Variants in AQP8 observed in about 807,000 individuals in gnomAD.
AQP8 encodes aquaporin 8.
A neutral mutation model predicts 26.1 loss-of-function variants in AQP8; 14 were observed. The ratio of observed to expected loss-of-function variants is 0.54; its 90% confidence interval spans 0.35 to 0.84. The LOEUF (loss-of-function observed/expected upper bound fraction) is 0.84. Among genes scored for constraint, AQP8 ranks in the 40% least tolerant of loss-of-function variants. AQP8 has a pLI of 0.01. For synonymous variants in AQP8, 131 were observed against 150.7 expected (o/e 0.87, Z 0.96); for missense variants, 301 against 340.5 (o/e 0.88, Z 0.91).
Position 25,217,191 on chromosome 16 carries a change from AC to A in AQP8, c.13-6del, listed in dbSNP as rs1567342448. On this transcript the variant is annotated splice_region_variant and splice_polypyrimidine_tract_variant and intron_variant, in intron 1 of 5. Coordinates refer to ENST00000219660, the MANE Select transcript of AQP8 (RefSeq NM_001169.3). ...CCGTGTCCTCTGTCCCTTTTTCCCT[AC>A]GGCAGATAGCCATGTGTGAGCCTGA... 1 of 1,613,750 alleles carries A rather than the reference AC, an allele frequency of 6.2e-7. No individual in the cohort carries two copies. The highest frequency in any genetic ancestry group is 1.7e-5 in the Admixed American group (1 of 59,972).
At chr16:25,217,583 GT>G (rs1200806640) in intron 2 of AQP8, 138 bp downstream of exon 2, 46 of 1,238,778 alleles carry the variant, frequency 3.7e-5, no homozygotes, top group Non-Finnish European at 1.2e-5. Flanking sequence ...GGGGTTGGGA[GT>G]CAGACTGGGG....
rs1336767042 is a variant in AQP8 at position 25,228,600 on chromosome 16, G to A, written c.*108G>A. On this transcript the variant is annotated 3_prime_UTR_variant, in exon 6 of 6. Transcript: ENST00000219660. ...CCTGCCAGGGCAGAGGCCCAGAGGA[G>A]CGACCCCCTGCTTCCACTGCTTGGG... 1 of 1,187,010 alleles carries A rather than the reference G, an allele frequency of 8.4e-7. No homozygotes were observed. The highest frequency in any genetic ancestry group is 2.4e-5 in the East Asian group (1 of 41,912). 73.5% of individuals were successfully genotyped at this position (1,187,010 alleles called of 1,614,324 possible). A position where few individuals can be genotyped will look rare whatever the true frequency, so the allele number is the denominator to read the frequency against.
intron 2 of AQP8, among the ~76,000 whole-genome samples, chr16:25,220,284 G>A (rs1386054542): frequency 1.3e-5 from 2 of 152,194 alleles, no homozygotes; most frequent in Non-Finnish European, 2.9e-5. Context: ...TGGTTCTCAA[G>A]TGACATGGGG....
rs368475132 is a variant in AQP8 at position 25,224,535 on chromosome 16, G to A, written c.561G>A (p.Pro187=). Residue 187 remains proline (P), a synonymous_variant, in exon 4 of 6, where the codon CCG becomes CCA. Coordinates refer to ENST00000219660, the MANE Select transcript of AQP8 (RefSeq NM_001169.3). ...AGAAGACAAAGGGCCCTCTGGCCCCGTTCTCCATCGGCTTTGCCGTCACCG... is the reference window on the plus strand; with the variant it reads ...AGAAGACAAAGGGCCCTCTGGCCCCATTCTCCATCGGCTTTGCCGTCACCG... The part of the protein sequence containing the change: ...INEKTKGPLA[P]FSIGFAVTVD... 5.5e-5 allele frequency: 89 copies of A among 1,613,400 alleles called. No individual in the cohort carries two copies. The highest frequency in any genetic ancestry group is 6.8e-5 in the Non-Finnish European group (80 of 1,179,980).
At chr16:25,220,312 C>T (rs1962544521) in intron 2 of AQP8, among the ~76,000 whole-genome samples, 1 of 152,148 alleles carries the variant, frequency 6.6e-6, no homozygotes, top group South Asian at 2.1e-4. Context: ...GGGTCCCTTT[C>T]TCTCTCATTG....
At chr16:25,225,705 G>A (rs1320677742) in intron 4 of AQP8, among the ~76,000 whole-genome samples, 2 of 152,176 alleles carry the variant, frequency 1.3e-5, no homozygotes, top group Admixed American at 6.6e-5. Context: ...ACCGCGCCCC[G>A]CCTACTTACA....
chr16:25,228,330 A>T, intron 5 of AQP8, 114 bp from the exon 6 acceptor site: 1 of 900,354 alleles, frequency 1.1e-6, no homozygotes, highest in South Asian at 1.4e-5. Flanking sequence ...CTGGCTATTA[A>T]GGCTGGGGAG....
In AQP8 at chr16:25,224,376, G is replaced by A. The variant is rs757141777; in HGVS notation, c.402G>A (p.Glu134=). 1.5e-5 allele frequency: 25 copies of A among 1,613,452 alleles called. 1 individual carries two copies. The South Asian group carries it at 2.4e-4, about 16-fold the overall frequency. ...GAALAKAVSP[E]ERFWNASGAA... is the part of the protein sequence containing the mutation. ...TCTCTGTGCAGGCGGTGAGTCCTGA[G>A]GAGAGGTTCTGGAATGCATCTGGGG... The change falls in exon 4 of 6, where the codon GAG becomes GAA. Residue 134 remains glutamate (E), a synonymous_variant. Transcript: ENST00000219660.
chr16:25,225,244 A>C (rs1339086528), intron 4 of AQP8, among the ~76,000 whole-genome samples: 2 of 152,188 alleles, frequency 1.3e-5, no homozygotes, highest in East Asian at 3.9e-4. Flanking sequence ...TTGGCCTCTC[A>C]AAAGTACTGG....
Position 25,228,735 on chromosome 16 carries a change from A to G in AQP8, c.*243A>G. On this transcript the variant is annotated 3_prime_UTR_variant, in exon 6 of 6. Coordinates refer to ENST00000219660, the MANE Select transcript of AQP8 (RefSeq NM_001169.3). Reference sequence around the variant, plus strand: ...AACACGCTGCCCGCACTGCCCAGAGAGCAGTGCAAACACCACAACACGAGC... The same window carrying G: ...AACACGCTGCCCGCACTGCCCAGAGGGCAGTGCAAACACCACAACACGAGC... The G allele has an allele frequency of 4.1e-6, 2 of 491,206 alleles. No individual in the cohort carries two copies. Among genetic ancestry groups the G allele is most frequent in the Non-Finnish European group, 7.4e-6 (2 of 270,802 alleles). The allele number at this position is 491,206 out of a possible 1,614,324, so 30.4% of individuals were successfully genotyped here.
chr16:25,221,846 C>T (rs1046485618), intron 3 of AQP8, among the ~76,000 whole-genome samples: 136 of 152,188 alleles, frequency 8.9e-4, no homozygotes, highest in African/African-American at 3.2e-3. Flanking sequence ...TGGCTCACTG[C>T]AACCTCTGCC....
At chr16:25,219,477 T>C (rs1404353972) in intron 2 of AQP8, among the ~76,000 whole-genome samples, 1 of 151,322 alleles carries the variant, frequency 6.6e-6, no homozygotes, top group Admixed American at 6.6e-5. Context: ...GAGTGAACAA[T>C]GAATGAATGA....
chr16:25,217,442 T>C lies in AQP8; in HGVS notation c.257T>C (p.Ile86Thr). ...CTCGTGATTGCCACGCTGGGGAATA[T>C]CAGGTGAGACCAGCTCTGAGGATTC... ...LGLVIATLGN[I>T]SGGHFNPAVS... The change falls in exon 2 of 6, where the codon ATC becomes ACC. Residue 86 changes from isoleucine (I) to threonine (T), a missense_variant. Ile to Thr is a moderately conservative substitution (Grantham distance 89, BLOSUM62 -1). Transcript: ENST00000219660. The C allele has an allele frequency of 6.2e-7, 1 of 1,613,896 alleles. No individual in the cohort carries two copies. The highest frequency in any genetic ancestry group is 8.5e-7 in the Non-Finnish European group (1 of 1,179,948).
chr16:25,227,393 C>T (rs534901889), intron 5 of AQP8, among the ~76,000 whole-genome samples, 191 bp downstream of exon 5: 1 of 152,278 alleles, frequency 6.6e-6, no homozygotes, highest in South Asian at 2.1e-4. Flanking sequence ...TTCAAAATAG[C>T]TTATGTCATA....
Position 25,224,525 on chromosome 16 carries a change from C to T in AQP8, c.551C>T (p.Pro184Leu), listed in dbSNP as rs1962606414. ...MGAINEKTKG[P>L]LAPFSIGFAV... Reference sequence around the variant, plus strand: ...GCCATCAATGAGAAGACAAAGGGCCCTCTGGCCCCGTTCTCCATCGGCTTT... The same window carrying T: ...GCCATCAATGAGAAGACAAAGGGCCTTCTGGCCCCGTTCTCCATCGGCTTT... Residue 184 changes from proline (P) to leucine (L), a missense_variant, in exon 4 of 6, where the codon CCT becomes CTT. By Grantham distance (98) the Pro-to-Leu change is moderately conservative. Coordinates refer to ENST00000219660, the MANE Select transcript of AQP8 (RefSeq NM_001169.3). 1.9e-6 allele frequency: 3 copies of T among 1,613,724 alleles called. No individual in the cohort carries two copies. Among genetic ancestry groups the T allele is most frequent in the Non-Finnish European group, 2.5e-6 (3 of 1,180,002 alleles).
chr16:25,226,106 T>C (rs753548779), intron 4 of AQP8, among the ~76,000 whole-genome samples: 86 of 152,342 alleles, frequency 5.6e-4, no homozygotes, highest in Admixed American at 1.9e-3. Context: ...GTGAACCTAG[T>C]AGGTGTATAT....
intron 4 of AQP8, among the ~76,000 whole-genome samples, chr16:25,225,143 T>C (rs1182067061): frequency 2.0e-5 from 3 of 152,158 alleles, no homozygotes; most frequent in Non-Finnish European, 4.4e-5. Flanking sequence ...AGAGGCTGAG[T>C]GAACCCTTTT....
At chr16:25,220,125 T>C (rs917325023) in intron 2 of AQP8, among the ~76,000 whole-genome samples, 1 of 151,220 alleles carries the variant, frequency 6.6e-6, no homozygotes, top group Non-Finnish European at 1.5e-5. Context: ...GCCAGACAAG[T>C]TGGGGTAGCT....
At position 25,227,067 on chromosome 16, in the gene AQP8, G is replaced by A. The variant is rs987394930; in HGVS notation, c.603-1G>A. On this transcript the variant is annotated splice_acceptor_variant, in intron 4 of 5. Transcript: ENST00000219660. LOFTEE classifies it high-confidence loss of function. ...TGACCTTGGTGCCTGGGTGTTTGCAGGGGCCCTGTGTCTGGAGGCTGCATG... is the reference window on the plus strand; with the variant it reads ...TGACCTTGGTGCCTGGGTGTTTGCAAGGGCCCTGTGTCTGGAGGCTGCATG... 1.9e-6 allele frequency: 3 copies of A among 1,613,890 alleles called. No individual in the cohort carries two copies. The highest frequency in any genetic ancestry group is 2.7e-5 in the African/African-American group (2 of 74,920).
Sources: allele counts gnomAD v4.1 joint callset (sites outside exome capture counted in the v4.1 genomes callset), GRCh38; gene constraint gnomAD v4.1.1; transcripts MANE v1.5; gene names NCBI Gene and HGNC (gene_info 2026-07-23, HGNC 2026-07-21).